Variants in PRKN observed in about 807,000 individuals in gnomAD.
The protein encoded by PRKN is E3 ubiquitin-protein ligase parkin.
Under a neutral mutation model 59.5 loss-of-function variants are expected in PRKN, and 56 were observed. The observed-to-expected ratio is 0.94, with a 90% confidence interval of 0.76 to 1.18. The LOEUF is 1.18. Among genes scored for constraint, PRKN ranks in the 50% most tolerant of loss-of-function variants. The pLI, the probability that PRKN is intolerant of heterozygous loss-of-function variation, is 0.00. For missense variants in PRKN, 657 were observed against 596.4 expected, an observed-to-expected ratio of 1.10 and a Z score of -1.06; for synonymous variants, 250 against 222.1, an observed-to-expected ratio of 1.13 and a Z score of -1.12.
chr6:162,247,426 T>G (rs1164318601), intron 3 of PRKN, among the ~76,000 whole-genome samples: 1 of 152,084 alleles, frequency 6.6e-6, no homozygotes, highest in Non-Finnish European at 1.5e-5. Flanking sequence ...TGTGGAAAAT[T>G]TGAGGGAAGT....
At chr6:162,225,908 T>G (rs1778151965) in intron 3 of PRKN, among the ~76,000 whole-genome samples, 1 of 134,290 alleles carries the variant, frequency 7.4e-6, no homozygotes, top group East Asian at 3.1e-4. Flanking sequence ...ATATATATAC[T>G]TTTGTTATAT....
At chr6:161,477,546 A>G (rs1791161075) in intron 9 of PRKN, among the ~76,000 whole-genome samples, 1 of 150,808 alleles carries the variant, frequency 6.6e-6, no homozygotes, top group African/African-American at 2.4e-5. Context: ...ACTTTTCCTT[A>G]GGATAAGGTT....
At chr6:162,274,742 G>C (rs949769930) in intron 2 of PRKN, among the ~76,000 whole-genome samples, 1 of 152,070 alleles carries the variant, frequency 6.6e-6, no homozygotes, top group African/African-American at 2.4e-5. Flanking sequence ...GTTGCATATG[G>C]GTGGTATTAC....
At chr6:162,000,716 G>C (rs1034828600) in intron 5 of PRKN, among the ~76,000 whole-genome samples, 1 of 151,806 alleles carries the variant, frequency 6.6e-6, no homozygotes, top group Non-Finnish European at 1.5e-5. Context: ...TATCTAAAAA[G>C]TTATTACTAT....
chr6:161,789,889 C>A (rs1218499284), intron 6 of PRKN, among the ~76,000 whole-genome samples: 4 of 150,538 alleles, frequency 2.7e-5, no homozygotes, highest in African/African-American at 1.0e-4. Flanking sequence ...TTTATAATTT[C>A]TCTGCTCTCA....
chr6:162,339,409 G>T (rs1459667006), intron 2 of PRKN, among the ~76,000 whole-genome samples: 1 of 141,592 alleles, frequency 7.1e-6, no homozygotes, highest in Admixed American at 6.9e-5. Flanking sequence ...CCCCCCGCCC[G>T]GCCAGCCGCC....
chr6:162,683,685 T>A (rs1425793366), intron 1 of PRKN, among the ~76,000 whole-genome samples: 1 of 152,124 alleles, frequency 6.6e-6, no homozygotes, highest in Non-Finnish European at 1.5e-5. Flanking sequence ...GATGGAACAA[T>A]TCCTCCAACA....
chr6:162,235,848 G>A (rs1379411825), intron 3 of PRKN, among the ~76,000 whole-genome samples: 6 of 146,288 alleles, frequency 4.1e-5, no homozygotes, highest in South Asian at 4.3e-4. Context: ...GAGGAAAGGA[G>A]GGAGGAAAGA....
chr6:162,588,849 C>A (rs896914732), intron 1 of PRKN, among the ~76,000 whole-genome samples: 2 of 152,130 alleles, frequency 1.3e-5, no homozygotes, highest in Non-Finnish European at 2.9e-5. Flanking sequence ...CCGCGCCCGG[C>A]CCAGAGCTCA....
Position 161,633,973 on chromosome 6 carries a change from GGCT to G in PRKN, c.872-64560_872-64558del, listed in dbSNP as rs1188179019. On this transcript the variant is annotated intron_variant, in intron 7 of 11. Transcript: ENST00000366898. Reference sequence around the variant, plus strand: ...CTGTGTGTACGTCACATGAGGAGGGGGCTTTAACCAAATGGAAAACTTAAACAC... The same window carrying G: ...CTGTGTGTACGTCACATGAGGAGGGGTTAACCAAATGGAAAACTTAAACAC... Among the ~76,000 whole-genome samples, 8 of 148,986 alleles carry G rather than the reference GGCT, an allele frequency of 5.4e-5. No individual in the cohort carries two copies. In the South Asian group the frequency reaches 1.3e-3, roughly 24 times the overall value.
At chr6:161,580,445 A>G (rs781071794) in intron 7 of PRKN, among the ~76,000 whole-genome samples, 3 of 152,078 alleles carry the variant, frequency 2.0e-5, no homozygotes, top group South Asian at 4.1e-4. Flanking sequence ...GCACACTTAC[A>G]TAAGAAATTC....
At position 161,405,381 on chromosome 6, in the gene PRKN, C is replaced by A. The variant is rs1787217969; in HGVS notation, c.1084-18504G>T. ...TCAATTGAGGTCAGGAGTTCGAGAC[C>A]AGCCTGGCCAACATGGTGAAACCCC... On this transcript the variant is annotated intron_variant, in intron 9 of 11. Coordinates refer to ENST00000366898, the MANE Select transcript of PRKN (RefSeq NM_004562.3). This position sits in a 1 kb window ranked among gnomAD's most constrained non-coding sequence, Gnocchi z 5.1. Among the ~76,000 whole-genome samples, 2 of 151,974 alleles carry A rather than the reference C, an allele frequency of 1.3e-5. No homozygotes were observed. Among genetic ancestry groups the A allele is most frequent in the East Asian group, 3.9e-4 (2 of 5,178 alleles).
rs1782543777 is a variant in PRKN at position 162,010,682 on chromosome 6, TATATA to T, written c.619-37270_619-37266del. Among the ~76,000 whole-genome samples, 2 of 4,686 alleles carry T rather than the reference TATATA, an allele frequency of 4.3e-4. 1 individual carries two copies. The highest frequency in any genetic ancestry group is 5.0e-4 in the Non-Finnish European group (2 of 3,980). The allele number at this position is 4,686 out of a possible 152,430, so 3.1% of individuals were successfully genotyped here. ...ATATTATATATAATATACTATATATTATATAATATATTATATTATATATATTATAT... is the reference window on the plus strand; with the variant it reads ...ATATTATATATAATATACTATATATTATATATTATATTATATATATTATAT... On this transcript the variant is annotated intron_variant, in intron 5 of 11. Coordinates refer to ENST00000366898, the MANE Select transcript of PRKN (RefSeq NM_004562.3).
intron 4 of PRKN, among the ~76,000 whole-genome samples, chr6:162,122,533 T>G (rs976370448): frequency 1.3e-5 from 2 of 152,160 alleles, no homozygotes; most frequent in Non-Finnish European, 2.9e-5. Context: ...ACACACATGC[T>G]TCAGAACAAT....
At chr6:161,756,267 C>T (rs975012223) in intron 7 of PRKN, among the ~76,000 whole-genome samples, 3 of 151,770 alleles carry the variant, frequency 2.0e-5, no homozygotes, top group Non-Finnish European at 2.9e-5. Context: ...AACGGTGAAA[C>T]CCTGTCTCTG....
intron 1 of PRKN, among the ~76,000 whole-genome samples, chr6:162,503,627 T>C (rs1387145424): frequency 1.3e-5 from 2 of 152,222 alleles, no homozygotes; most frequent in East Asian, 3.9e-4. Flanking sequence ...GTTTAGTATT[T>C]AAACCATTTG....
chr6:162,068,030 C>T (rs1041162419), intron 4 of PRKN, among the ~76,000 whole-genome samples: 10 of 152,220 alleles, frequency 6.6e-5, no homozygotes, highest in Admixed American at 6.5e-5. Context: ...ACCGTCATGT[C>T]AGGATGGTGG....
intron 3 of PRKN, among the ~76,000 whole-genome samples, chr6:162,249,832 A>G (rs541626991): frequency 4.1e-4 from 62 of 151,876 alleles, no homozygotes; most frequent in Non-Finnish European, 7.9e-4. Flanking sequence ...TGATTAAAAC[A>G]AAACAAAACA....
intron 7 of PRKN, among the ~76,000 whole-genome samples, chr6:161,754,239 C>A (rs571168684): frequency 6.6e-6 from 1 of 152,000 alleles, no homozygotes; most frequent in East Asian, 1.9e-4. Flanking sequence ...AAGCTCACAG[C>A]AGGCCATGCT....
Sources: gnomAD v4.1 joint callset for allele counts (sites outside exome capture counted in the v4.1 genomes callset) on GRCh38, gnomAD v4.1.1 for gene constraint, Gnocchi (gnomAD v3.1) non-coding constraint, MANE v1.5 for transcripts, NCBI Gene and HGNC (gene_info 2026-07-23, HGNC 2026-07-21) for gene names.